Variants in ZNF592 observed in about 807,000 individuals in gnomAD.
ZNF592 encodes spinocerebellar ataxia, autosomal recessive 5.
A neutral mutation model predicts 80.3 loss-of-function variants in ZNF592; 11 were observed. The observed-to-expected ratio is 0.14, with a 90% CI of 0.09 to 0.23. The LOEUF (loss-of-function observed/expected upper bound fraction) is 0.23, where lower values mean the gene tolerates loss of function less well. Among genes scored for constraint, ZNF592 ranks in the 10% least tolerant of loss-of-function variants. ZNF592 has a pLI of 1.00. For missense variants in ZNF592, 1,420 were observed against 1,633.9 expected (o/e 0.87, Z 2.26); for synonymous variants, 646 against 640.3 (o/e 1.01, Z -0.13).
At chr15:84,781,357 A>T (rs2141983687) in intron 3 of ZNF592, among the ~76,000 whole-genome samples, 1 of 151,896 alleles carries the variant, frequency 6.6e-6, no homozygotes, top group Admixed American at 6.6e-5. Context: ...CCTTAATGAG[A>T]ATTTTTAATG....
At chr15:84,749,213 C>T (rs1481698615) in intron 1 of ZNF592, among the ~76,000 whole-genome samples, 2 of 152,218 alleles carry the variant, frequency 1.3e-5, no homozygotes, top group Non-Finnish European at 2.9e-5. Context: ...ATTCCTAGAG[C>T]TCCAGAGTTG....
chr15:84,780,054 T>C (rs1430481239), intron 3 of ZNF592, among the ~76,000 whole-genome samples: 1 of 149,662 alleles, frequency 6.7e-6, no homozygotes, highest in African/African-American at 2.5e-5. Flanking sequence ...TGGCAAGATC[T>C]CGACTCACTG....
intron 5 of ZNF592, among the ~76,000 whole-genome samples, chr15:84,797,169 A>C (rs1021182893): frequency 6.6e-6 from 1 of 152,118 alleles, no homozygotes; most frequent in African/African-American, 2.4e-5. Flanking sequence ...TATGTCGGCC[A>C]TGTCTCATCT....
At chr15:84,776,461 A>G (rs36033486) in intron 2 of ZNF592, among the ~76,000 whole-genome samples, 30,167 of 152,284 alleles carry the variant, frequency 0.2, 3,799 homozygotes, top group Middle Eastern at 0.37. Flanking sequence ...AGAATTTTAC[A>G]TTAATGATTT....
chr15:84,781,510 C>A (rs1178450040), intron 3 of ZNF592, among the ~76,000 whole-genome samples: 1 of 148,810 alleles, frequency 6.7e-6, no homozygotes, highest in Admixed American at 6.8e-5. Context: ...AATTTTTGTT[C>A]TTAGGATAAA....
At position 84,783,231 on chromosome 15, in the gene ZNF592, C is replaced by A; in HGVS notation, c.556C>A (p.Leu186Met). The change falls in exon 4 of 11, where the codon CTG (leucine) becomes ATG (methionine). Residue 186 changes from leucine (L) to methionine (M), a missense_variant. By Grantham distance (15) the Leu-to-Met change is conservative (BLOSUM62 2). Transcript: ENST00000560079. This position sits in a 1 kb window ranked among gnomAD's most constrained non-coding sequence, Gnocchi z 5.0. ...TGTGGGAGGCCCAGTCCTGGAGGCT[C>A]TGGCTAAGTTTCCGGTTCCAGAGCT... is the stretch of plus-strand genomic sequence containing the variant. ...GAVGGPVLEA[L>M]AKFPVPELHM... 3.7e-6 allele frequency: 6 copies of A among 1,614,230 alleles called. No individual in the cohort carries two copies. Among genetic ancestry groups the A allele is most frequent in the Non-Finnish European group, 5.1e-6 (6 of 1,180,044 alleles).
At chr15:84,782,630 T>G (rs1489283809) in intron 3 of ZNF592, 27 bp from the exon 4 acceptor site, 1 of 1,610,604 alleles carries the variant, frequency 6.2e-7, no homozygotes. Flanking sequence ...TGGTGGTCAC[T>G]GATTCTGTTT....
At position 84,803,820 on chromosome 15, in the gene ZNF592, C is replaced by CCCAAA. The variant is rs1963168928; in HGVS notation, c.*1431_*1432insACCAA. On this transcript the variant is annotated 3_prime_UTR_variant, in exon 11 of 11. Transcript: ENST00000560079. The stretch of plus-strand genomic sequence containing the variant: ...TCACTGATGGTGGAGTCAGGGCCCA[C>CCCAAA]CCAAGCACGAGGAGCAGGCTGTGTG... 1 of 152,188 alleles carries CCCAAA rather than the reference C, an allele frequency of 6.6e-6. No individual in the cohort carries two copies. The allele number at this position is 152,188 out of a possible 1,614,324, so 9.4% of individuals were successfully genotyped here.
intron 1 of ZNF592, among the ~76,000 whole-genome samples, chr15:84,759,472 G>A (rs901240092): frequency 2.6e-5 from 4 of 152,244 alleles, no homozygotes; most frequent in Admixed American, 2.0e-4. Flanking sequence ...TGCCCTTTAG[G>A]AGAAGCTGGC....
rs1298030197 is a variant in ZNF592, at chr15:84,804,207, A to G, written c.*1814A>G. The G allele has an allele frequency of 1.3e-5, 2 of 152,210 alleles. No homozygotes were observed. The highest frequency in any genetic ancestry group is 3.8e-4 in the East Asian group (2 of 5,196). 9.4% of individuals were successfully genotyped at this position (152,210 alleles called of 1,614,324 possible). On this transcript the variant is annotated 3_prime_UTR_variant, in exon 11 of 11. Transcript: ENST00000560079. Reference sequence around the variant, plus strand: ...AGTGGGGCAACCCAGGCCTGTTTCCAGCTACCTGCAAAGCCAGACCTAGAC... The same window carrying G: ...AGTGGGGCAACCCAGGCCTGTTTCCGGCTACCTGCAAAGCCAGACCTAGAC...
chr15:84,789,390 C>T lies in ZNF592; in HGVS notation c.2221-1315C>T, dbSNP rs548928280. ...CTATTGTGAATAATGTTGCTATGAA[C>T]ATAAGCATAAAAGTGTATCTCTTTG... is the stretch of plus-strand genomic sequence containing the variant. On this transcript the variant is annotated intron_variant, in intron 4 of 10. Coordinates refer to ENST00000560079, the MANE Select transcript of ZNF592 (RefSeq NM_014630.3). 3.9e-5 allele frequency among the ~76,000 whole-genome samples: 6 copies of T among 152,188 alleles called. No homozygotes were observed. In the South Asian group the frequency reaches 1.2e-3, roughly 32 times the overall value.
intron 2 of ZNF592, among the ~76,000 whole-genome samples, chr15:84,773,359 C>T (rs1157694418): frequency 1.3e-5 from 2 of 152,000 alleles, no homozygotes; most frequent in Non-Finnish European, 2.9e-5. Context: ...TTACAGGTGC[C>T]CGCCACCAAG....
chr15:84,793,428 A>G (rs1567074879), intron 5 of ZNF592, among the ~76,000 whole-genome samples: 2 of 152,304 alleles, frequency 1.3e-5, no homozygotes, highest in East Asian at 1.9e-4. Context: ...TTTTAATTAC[A>G]TATTTTCTTA....
intron 2 of ZNF592, among the ~76,000 whole-genome samples, chr15:84,768,238 T>C (rs1235527512): frequency 4.1e-5 from 6 of 145,320 alleles, no homozygotes; most frequent in East Asian, 3.9e-4. Context: ...TTCTTTTTTT[T>C]TTTTTTTTTT....
chr15:84,776,675 T>C (rs2141979321), intron 2 of ZNF592, among the ~76,000 whole-genome samples: 1 of 152,300 alleles, frequency 6.6e-6, no homozygotes, highest in Non-Finnish European at 1.5e-5. Flanking sequence ...AGAATCCCTT[T>C]AACCCGGGAG....
Position 84,784,076 on chromosome 15 carries a change from C to A in ZNF592, c.1401C>A (p.Pro467=). 2 of 1,613,958 alleles carry A rather than the reference C, an allele frequency of 1.2e-6. No individual in the cohort carries two copies. The highest frequency in any genetic ancestry group is 1.1e-5 in the South Asian group (1 of 91,080). Residue 467 remains proline, a synonymous_variant, in exon 4 of 11, where the codon CCC becomes CCA. Transcript: ENST00000560079. This position sits in a 1 kb window ranked among gnomAD's most constrained non-coding sequence, Gnocchi z 5.8. ...DSSSPSCSSG[P]RVPKGAAPGS... Reference sequence around the variant, plus strand: ...CATCTCCCAGCTGCAGTTCTGGGCCCCGGGTCCCAAAGGGGGCTGCCCCAG... The same window carrying A: ...CATCTCCCAGCTGCAGTTCTGGGCCACGGGTCCCAAAGGGGGCTGCCCCAG...
intron 1 of ZNF592, among the ~76,000 whole-genome samples, chr15:84,761,407 T>G (rs1344021690): frequency 6.6e-6 from 1 of 151,786 alleles, no homozygotes; most frequent in Non-Finnish European, 1.5e-5. Flanking sequence ...TCGGCAGACA[T>G]GGGATGGAGC....
chr15:84,751,937 A>C (rs961167306), intron 1 of ZNF592, among the ~76,000 whole-genome samples: 2 of 151,924 alleles, frequency 1.3e-5, no homozygotes, highest in Admixed American at 6.6e-5. Context: ...ACAACAACAA[A>C]AAAAACTAGA....
chr15:84,764,559 GC>G (rs1191670215), intron 1 of ZNF592, 147 bp from the exon 2 acceptor site: 4 of 379,390 alleles, frequency 1.1e-5, no homozygotes, highest in African/African-American at 8.3e-5. Context: ...TACATTTGTG[GC>G]CTGCTTGAAT....
Sources: gnomAD v4.1 joint callset for allele counts (sites outside exome capture counted in the v4.1 genomes callset) on GRCh38, gnomAD v4.1.1 for gene constraint, Gnocchi (gnomAD v3.1) non-coding constraint, MANE v1.5 for transcripts, NCBI Gene and HGNC (gene_info 2026-07-23, HGNC 2026-07-21) for gene names.